Variants in RIF1 observed in about 807,000 individuals in gnomAD.
RIF1 encodes the protein replication timing regulatory factor 1.
In RIF1, 45 loss-of-function variants were observed where a neutral mutation model predicts 247.1. That is an observed-to-expected ratio of 0.18 (90% confidence interval 0.14 to 0.23). The LOEUF (loss-of-function observed/expected upper bound fraction) is 0.23, where lower values mean the gene tolerates loss of function less well. RIF1 is among the 10% of genes least tolerant of loss of function. The pLI, the probability that RIF1 is intolerant of heterozygous loss-of-function variation, is 1.00. For synonymous variants in RIF1, 1,087 were observed against 978.8 expected, an observed-to-expected ratio of 1.11 and a Z score of -2.06; for missense variants, 2,967 against 2,862.5, an observed-to-expected ratio of 1.04 and a Z score of -0.83.
intron 30 of RIF1, 117 bp from the exon 31 acceptor site, chr2:151,467,883 T>TCGCCGTATCATTAAAAAA: frequency 1.1e-6 from 1 of 910,992 alleles, no homozygotes; most frequent in Admixed American, 2.7e-5. Flanking sequence ...TGACTTCTGG[T>TCGCCGTATCATTAAAAAA]GAAATAAATT....
chr2:151,414,711 G>T, intron 3 of RIF1, 112 bp from the exon 4 acceptor site: 1 of 666,748 alleles, frequency 1.5e-6, no homozygotes, highest in South Asian at 2.0e-5. Context: ...GTATTCTCAA[G>T]GATTTGTTGG....
chr2:151,490,362 G>T, intron 9 of RIF1: 1 of 1,585,670 alleles, frequency 6.3e-7, no homozygotes, highest in Non-Finnish European at 8.6e-7. Flanking sequence ...TCAGCGCCAG[G>T]CACTTGTACC....
intron 27 of RIF1, among the ~76,000 whole-genome samples, chr2:151,461,542 C>T (rs1453681627): frequency 1.3e-5 from 2 of 152,032 alleles, no homozygotes. Context: ...CAGGCATGTG[C>T]CACCACGCCC....
chr2:151,516,891 A>G, the RIF1 span, among the ~76,000 whole-genome samples: 16 of 152,244 alleles, frequency 1.1e-4, no homozygotes, highest in Admixed American at 9.8e-4. Flanking sequence ...AGGTTGGTCA[A>G]TAATTGATGG....
At chr2:151,434,839 GGGGGTATATTTTA>G (rs1375290249) in intron 10 of RIF1, among the ~76,000 whole-genome samples, 4 of 152,052 alleles carry the variant, frequency 2.6e-5, no homozygotes, top group South Asian at 4.2e-4. Context: ...TTTTACTTCT[GGGGGTATATTTTA>G]GGGGTATATT....
chr2:151,497,772 T>A (rs1227431582), intron 10 of RIF1: 1 of 1,547,812 alleles, frequency 6.5e-7, no homozygotes, highest in African/African-American at 1.4e-5. Context: ...TTTCATTTCT[T>A]GGGACTTTTT....
intron 34 of RIF1, among the ~76,000 whole-genome samples, chr2:151,472,532 T>C (rs2048621692): frequency 6.6e-6 from 1 of 152,230 alleles, no homozygotes; most frequent in Non-Finnish European, 1.5e-5. Flanking sequence ...CTTATTATTT[T>C]GAGATACGTC....
rs767969927 is a variant in RIF1 at position 151,502,828 on chromosome 2, C to G, written c.*710-206C>G. 6.2e-7 allele frequency: 1 copy of G among 1,608,710 alleles called. No homozygotes were observed. ...TTCTCTTGATTGCGTTTGACTCTCT[C>G]CATCTCTGGAGTGATAGGTGTTGGG... On this transcript the variant is annotated intron_variant and NMD_transcript_variant, in intron 11 of 13. Transcript: ENST00000454583.
intron 11 of RIF1, among the ~76,000 whole-genome samples, chr2:151,500,715 A>C (rs1315693816): frequency 1.3e-5 from 2 of 149,030 alleles, no homozygotes; most frequent in Non-Finnish European, 3.0e-5. Flanking sequence ...CTCCCACCTC[A>C]GCCTCCCAAG....
In RIF1 at chr2:151,479,724, T is replaced by C. The variant is rs2049089375; in HGVS notation, c.*4653T>C. ...ATGATTCTCGAAAAGTGAGTTTTTC[T>C]TGGAATTCTGTTAAGGTGTTAGATT... is the stretch of plus-strand genomic sequence containing the variant. On this transcript the variant is annotated 3_prime_UTR_variant, in exon 36 of 36. Transcript: ENST00000444746. 1 of 152,216 alleles carries C rather than the reference T, an allele frequency of 6.6e-6. No individual in the cohort carries two copies. Among genetic ancestry groups the C allele is most frequent in the Non-Finnish European group, 1.5e-5 (1 of 68,012 alleles). 9.4% of individuals were successfully genotyped at this position (152,216 alleles called of 1,614,324 possible).
Position 151,464,330 on chromosome 2 carries a change from T to A in RIF1, c.4810T>A (p.Tyr1604Asn). The change falls in exon 30 of 36, where the codon TAT becomes AAT. Residue 1604 changes from tyrosine to asparagine, a missense_variant. This residue lies in a region of RIF1 where 2,028 missense variants were observed against 1,825.6 expected (regional missense o/e 1.11). Coordinates refer to ENST00000444746, the MANE Select transcript of RIF1 (RefSeq NM_018151.5). ...AAAAGCTGAAAATCAGTCACATGAT[T>A]ATAAAGCAACTTCTGAAGAAGATGT... ...CIKAENQSHD[Y>N]KATSEEDVSI... 1 of 1,610,726 alleles carries A rather than the reference T, an allele frequency of 6.2e-7. No individual in the cohort carries two copies.
chr2:151,498,632 A>G (rs2062021855), intron 10 of RIF1, among the ~76,000 whole-genome samples: 1 of 152,216 alleles, frequency 6.6e-6, no homozygotes, highest in Non-Finnish European at 1.5e-5. Context: ...TGAAAGAGCA[A>G]TTAGTCTTTT....
chr2:151,501,668 T>TGTCTC, intron 11 of RIF1, among the ~76,000 whole-genome samples: 1 of 152,362 alleles, frequency 6.6e-6, no homozygotes, highest in South Asian at 2.1e-4. Context: ...ACAGGATGTC[T>TGTCTC]GTCTCTAAAA....
chr2:151,418,731 G>A (rs1380325117), intron 6 of RIF1, among the ~76,000 whole-genome samples: 3 of 151,702 alleles, frequency 2.0e-5, no homozygotes, highest in East Asian at 1.9e-4. Flanking sequence ...AAAATCAGCC[G>A]GGCGTGGTGA....
chr2:151,493,902 C>T lies in RIF1; in HGVS notation c.*416-1327C>T, dbSNP rs373360468. The T allele has an allele frequency of 1.2e-4, 157 of 1,363,036 alleles. No individual in the cohort carries two copies. The African/African-American group carries it at 1.8e-3, about 15-fold the overall frequency. The allele number at this position is 1,363,036 out of a possible 1,614,324, so 84.4% of individuals were successfully genotyped here. On this transcript the variant is annotated intron_variant and NMD_transcript_variant, in intron 9 of 13. Coordinates refer to the RIF1 transcript ENST00000454583. ...ACAAAGTCATGCCCGAAAGTCACTA[C>T]GAGGTAATAATCACTATTAATTATA...
chr2:151,447,020 T>C (rs1423094016), intron 20 of RIF1, among the ~76,000 whole-genome samples: 1 of 149,490 alleles, frequency 6.7e-6, no homozygotes, highest in Non-Finnish European at 1.5e-5. Flanking sequence ...CTCGGCTCAC[T>C]GCAAGCTCCG....
At chr2:151,527,449 A>G in the RIF1 span, 15 of 1,443,528 alleles carry the variant, frequency 1.0e-5, no homozygotes. Context: ...TGCAGTATGC[A>G]GTTACAATCG....
At chr2:151,418,470 ACCAGGATCACAGG>A (rs1687595287) in intron 6 of RIF1, among the ~76,000 whole-genome samples, 1 of 152,184 alleles carries the variant, frequency 6.6e-6, no homozygotes, top group Non-Finnish European at 1.5e-5. Flanking sequence ...CTCCCAATGT[ACCAGGATCACAGG>A]CCTGAACCAC....
rs1174567680 is a variant in RIF1, at chr2:151,490,399, C to T, written c.*416-4830C>T. The T allele has an allele frequency of 2.5e-6, 4 of 1,592,886 alleles. No homozygotes were observed. The African/African-American group carries it at 5.4e-5, about 21-fold the overall frequency. ...GTTGAGACTGCAAAGACACCCCCGTCGCTGTAAGTCGAAAGGTGGTGGTCT... is the reference window on the plus strand; with the variant it reads ...GTTGAGACTGCAAAGACACCCCCGTTGCTGTAAGTCGAAAGGTGGTGGTCT... On this transcript the variant is annotated intron_variant and NMD_transcript_variant, in intron 9 of 13. Transcript: ENST00000454583.
Sources: allele counts gnomAD v4.1 joint callset (sites outside exome capture counted in the v4.1 genomes callset), GRCh38; gene constraint gnomAD v4.1.1; regional missense constraint gnomAD v4.1.1; transcripts MANE v1.5; gene names NCBI Gene and HGNC (gene_info 2026-07-23, HGNC 2026-07-21).